DICER1: variants seen among roughly 807,000 people sequenced by gnomAD.
The protein encoded by DICER1 is dicer 1, ribonuclease III, also known as endoribonuclease Dicer.
In DICER1, 43 loss-of-function variants were observed where a neutral mutation model predicts 194.1. That is an observed-to-expected ratio of 0.22 (90% CI 0.17 to 0.29). DICER1 has a LOEUF of 0.29. DICER1 is among the 10% of genes least tolerant of loss of function. The pLI, the probability that DICER1 is intolerant of heterozygous loss-of-function variation, is 1.00. For missense variants in DICER1, 1,608 were observed against 2,317.0 expected (o/e 0.69, Z 6.28); for synonymous variants, 832 against 820.5 (o/e 1.01, Z -0.24).
At chr14:95,154,213 G>T (rs1383293876) in intron 1 of DICER1, among the ~76,000 whole-genome samples, 4 of 152,200 alleles carry the variant, frequency 2.6e-5, no homozygotes, top group Non-Finnish European at 5.9e-5. Context: ...GCTTCAGAGA[G>T]ATTACAGATT....
intron 24 of DICER1, 116 bp from the exon 25 acceptor site, chr14:95,091,481 A>T (rs1366336080): frequency 1.2e-5 from 11 of 935,528 alleles, no homozygotes; most frequent in Non-Finnish European, 1.7e-6. Flanking sequence ...TAAGGGGGGA[A>T]ATACCATTTA....
At chr14:95,144,546 A>T (rs1895015166) in intron 1 of DICER1, among the ~76,000 whole-genome samples, 1 of 152,138 alleles carries the variant, frequency 6.6e-6, no homozygotes, top group African/African-American at 2.4e-5. Flanking sequence ...AAATATCTCT[A>T]CCTAGAACCA....
At chr14:95,153,387 C>T (rs1895642102) in intron 1 of DICER1, among the ~76,000 whole-genome samples, 1 of 152,220 alleles carries the variant, frequency 6.6e-6, no homozygotes, top group South Asian at 2.1e-4. Context: ...AATCAAACCA[C>T]TGGAACAGTG....
In DICER1 at chr14:95,116,541, G is replaced by A. The variant is rs1566790256; in HGVS notation, c.1664C>T (p.Ala555Val). 2 of 1,613,898 alleles carry A rather than the reference G, an allele frequency of 1.2e-6. No individual in the cohort carries two copies. Among genetic ancestry groups the A allele is most frequent in the Non-Finnish European group, 1.7e-6 (2 of 1,179,928 alleles). The part of the protein sequence containing the change: ...SYVQSKGRAR[A>V]PISNYIMLAD... Reference sequence around the variant, plus strand: ...TAACATTATATAATTAGAGATGGGTGCCCTTGCTCTTCCTTTAGATTGAAC... The same window carrying A: ...TAACATTATATAATTAGAGATGGGTACCCTTGCTCTTCCTTTAGATTGAAC... The change falls in exon 10 of 27, where the codon GCA becomes GTA. Residue 555 changes from alanine to valine, a missense_variant. Ala to Val is a moderately conservative substitution (Grantham distance 64). This residue lies in a region of DICER1 where 657 missense variants were observed against 910.1 expected (regional missense o/e 0.72). Coordinates refer to ENST00000343455, the MANE Select transcript of DICER1 (RefSeq NM_177438.3).
chr14:95,127,968 C>G (rs1216499442), intron 6 of DICER1, among the ~76,000 whole-genome samples: 1 of 152,218 alleles, frequency 6.6e-6, no homozygotes, highest in Admixed American at 6.5e-5. Context: ...GGAGTTTTAT[C>G]ATTCAATTTA....
chr14:95,100,808 G>A (rs1028681490), intron 21 of DICER1, among the ~76,000 whole-genome samples: 1 of 152,158 alleles, frequency 6.6e-6, no homozygotes, highest in Non-Finnish European at 1.5e-5. Context: ...AGAGGCACTC[G>A]ATTGGGCAAC....
chr14:95,141,591 A>C (rs1482262819), intron 1 of DICER1: 1 of 152,182 alleles, frequency 6.6e-6, no homozygotes, highest in East Asian at 1.9e-4. Context: ...TGGAGGTTAA[A>C]GTTCTCATTT....
chr14:95,092,068 A>G (rs1889893009), intron 24 of DICER1, among the ~76,000 whole-genome samples: 1 of 152,236 alleles, frequency 6.6e-6, no homozygotes, highest in South Asian at 2.1e-4. Context: ...CTCCATGGTT[A>G]TTAAACATCC....
rs1890353344 is a variant in DICER1 at position 95,096,496 on chromosome 14, G to A, written c.4424C>T (p.Thr1475Ile). ...KKISLSPFST[T>I]DSAYEWKMPK... ...CATTTTCCATTCATATGCAGAATCA[G>A]TGGTTGAAAAAGGAGAAAGAGAGAT... The change falls in exon 23 of 27, where the codon ACT (threonine) becomes ATT (isoleucine). Residue 1475 changes from threonine to isoleucine, a missense_variant. Physicochemically the swap from Thr to Ile is moderately conservative, Grantham distance 89. Coordinates refer to ENST00000343455, the MANE Select transcript of DICER1 (RefSeq NM_177438.3). 6.2e-7 allele frequency: 1 copy of A among 1,614,030 alleles called. No individual in the cohort carries two copies. Among genetic ancestry groups the A allele is most frequent in the Non-Finnish European group, 8.5e-7 (1 of 1,179,986 alleles).
intron 1 of DICER1, among the ~76,000 whole-genome samples, chr14:95,143,149 C>T (rs559784869): frequency 4.8e-4 from 73 of 152,212 alleles, no homozygotes; most frequent in Admixed American, 9.2e-4. Flanking sequence ...TCATGGTAAG[C>T]TAACAGAGAA....
At chr14:95,101,068 G>A (rs112396221) in intron 21 of DICER1, among the ~76,000 whole-genome samples, 2 of 152,320 alleles carry the variant, frequency 1.3e-5, no homozygotes, top group African/African-American at 4.8e-5. Context: ...GACAGAAATG[G>A]TGGGCAGGAT....
rs377277659 is a variant in DICER1 at position 95,155,104 on chromosome 14, G to T, written c.-46+2126C>A. Among the ~76,000 whole-genome samples, 18 of 152,300 alleles carry T rather than the reference G, an allele frequency of 1.2e-4. No homozygotes were observed. The East Asian group carries it at 2.9e-3, about 24-fold the overall frequency. On this transcript the variant is annotated intron_variant, in intron 1 of 26. Coordinates refer to ENST00000343455, the MANE Select transcript of DICER1 (RefSeq NM_177438.3). ...GCCACTTCGAGATTCCTAACTTGGG[G>T]TAATAATCACTGACTCTTAGTTTCC...
chr14:95,147,871 G>A (rs1355185692), intron 1 of DICER1, among the ~76,000 whole-genome samples: 1 of 152,162 alleles, frequency 6.6e-6, no homozygotes, highest in Non-Finnish European at 1.5e-5. Flanking sequence ...CAGTCCTTGG[G>A]GAAAAACTTA....
rs1255583940 is a variant in DICER1 at position 95,104,052 on chromosome 14, G to C, written c.3344C>G (p.Ser1115Ter). The C allele has an allele frequency of 6.2e-7, 1 of 1,614,000 alleles. No homozygotes were observed. The highest frequency in any genetic ancestry group is 1.3e-5 in the African/African-American group (1 of 74,918). Reference sequence around the variant, plus strand: ...CTTACAGTAATTATCATTTTCAGCTGAAGAGGAGTTAGAAATTGAGATGAA... The same window carrying C: ...CTTACAGTAATTATCATTTTCAGCTCAAGAGGAGTTAGAAATTGAGATGAA... ...KSFISISNSS[S>*]AENDNYCKHS... Residue 1115 changes from serine to a stop codon, truncating the protein, a stop_gained, in exon 21 of 27, where the codon TCA becomes TGA. Transcript: ENST00000343455. LOFTEE classifies it high-confidence loss of function.
chr14:95,131,214 A>G (rs982047196), intron 4 of DICER1, among the ~76,000 whole-genome samples: 4 of 152,038 alleles, frequency 2.6e-5, no homozygotes, highest in Non-Finnish European at 5.9e-5. Flanking sequence ...TAGTAGAGAC[A>G]GGGTTTCACC....
intron 24 of DICER1, among the ~76,000 whole-genome samples, chr14:95,092,268 ATATGTT>A (rs1440917249): frequency 6.6e-6 from 1 of 152,180 alleles, no homozygotes; most frequent in Admixed American, 6.6e-5. Flanking sequence ...TACATTTTAG[ATATGTT>A]TATATCTATA....
At chr14:95,140,874 T>A (rs1894787171) in intron 1 of DICER1, 1 of 152,218 alleles carries the variant, frequency 6.6e-6, no homozygotes, top group South Asian at 2.1e-4. Context: ...TTATTTTGAA[T>A]TAAATTTTAA....
chr14:95,137,084 A>G (rs192481223), intron 1 of DICER1, among the ~76,000 whole-genome samples: 5 of 152,084 alleles, frequency 3.3e-5, no homozygotes, highest in Non-Finnish European at 7.4e-5. Context: ...GAAAAAAAGG[A>G]AAGAAGGGAA....
rs1178292163 is a variant in DICER1 at position 95,103,584 on chromosome 14, A to G, written c.3812T>C (p.Leu1271Pro). ...CTGCTCAGAATCCATCCTGCCCTTGAGCACTTGAATAGTGTCTGTCGTACC... is the reference window on the plus strand; with the variant it reads ...CTGCTCAGAATCCATCCTGCCCTTGGGCACTTGAATAGTGTCTGTCGTACC... ...MPGTTDTIQV[L>P]KGRMDSEQSP... The change falls in exon 21 of 27, where the codon CTC becomes CCC. Residue 1271 changes from leucine to proline, a missense_variant. Leu to Pro is a moderately conservative substitution (Grantham distance 98, BLOSUM62 -3). Around this residue, in one of 10 missense-constraint regions of DICER1, gnomAD observed 222 missense variants for 215.5 expected, o/e 1.03. Coordinates refer to ENST00000343455, the MANE Select transcript of DICER1 (RefSeq NM_177438.3). 2 of 1,614,104 alleles carry G rather than the reference A, an allele frequency of 1.2e-6. No individual in the cohort carries two copies. Among genetic ancestry groups the G allele is most frequent in the South Asian group, 1.1e-5 (1 of 91,094 alleles).
Sources: gnomAD v4.1 joint callset for allele counts (sites outside exome capture counted in the v4.1 genomes callset) on GRCh38, gnomAD v4.1.1 for gene constraint, gnomAD v4.1.1 regional missense constraint, MANE v1.5 for transcripts, NCBI Gene and HGNC (gene_info 2026-07-23, HGNC 2026-07-21) for gene names.